PIWIL4: variants seen among roughly 807,000 people sequenced by gnomAD.
PIWIL4 encodes the protein piwi-like protein 4.
A neutral mutation model predicts 100.9 loss-of-function variants in PIWIL4; 50 were observed. The observed-to-expected ratio is 0.50, with a 90% confidence interval of 0.39 to 0.63. PIWIL4 has a LOEUF of 0.63. PIWIL4 is among the 20% of genes least tolerant of loss of function. The pLI is 0.00. For synonymous variants in PIWIL4, 342 were observed against 367.5 expected (o/e 0.93, Z 0.79); for missense variants, 887 against 1,043.3 (o/e 0.85, Z 2.06).
intron 19 of PIWIL4, 104 bp downstream of exon 19, chr11:94,620,248 G>A: frequency 8.2e-7 from 1 of 1,221,646 alleles, no homozygotes; most frequent in South Asian, 1.6e-5. Flanking sequence ...CACAATACCT[G>A]ATATTTCCTA....
In PIWIL4 at chr11:94,575,821, G is replaced by A. The variant is rs888704191; in HGVS notation, c.298+691G>A. On this transcript the variant is annotated intron_variant, in intron 3 of 19. Coordinates refer to ENST00000299001, the MANE Select transcript of PIWIL4 (RefSeq NM_152431.3). ...GCAGCACTAATGGGACCCAGCTGCCGTTTGAAAACTATCATATGTAGACGA... is the reference window on the plus strand; with the variant it reads ...GCAGCACTAATGGGACCCAGCTGCCATTTGAAAACTATCATATGTAGACGA... Among the ~76,000 whole-genome samples the A allele has an allele frequency of 6.6e-5, 10 of 152,020 alleles. No homozygotes were observed. In the South Asian group the frequency reaches 1.0e-3, roughly 16 times the overall value.
chr11:94,567,595 C>A lies in PIWIL4; in HGVS notation c.77C>A (p.Ala26Asp), dbSNP rs550779043. The A allele has an allele frequency of 1.1e-4, 179 of 1,604,626 alleles. 3 individuals carry two copies. In the South Asian group the frequency reaches 1.9e-3, roughly 17 times the overall value. Reference protein sequence around the residue: ...PSATEVGRIQASPLPRSVDLS... With the variant: ...PSATEVGRIQDSPLPRSVDLS... The stretch of plus-strand genomic sequence containing the variant: ...GCCACAGAAGTGGGGCGCATCCAAG[C>A]CTCGCCATTGGTGTGTAGAATGCTT... The change falls in exon 1 of 20, where the codon GCC (alanine) becomes GAC (aspartate). Residue 26 changes from alanine (A) to aspartate (D), a missense_variant. Around this residue, in one of 2 missense-constraint regions of PIWIL4, gnomAD observed 146 missense variants for 113.4 expected, o/e 1.29. Coordinates refer to ENST00000299001, the MANE Select transcript of PIWIL4 (RefSeq NM_152431.3).
At chr11:94,572,450 T>G (rs964520912) in intron 2 of PIWIL4, among the ~76,000 whole-genome samples, 3 of 152,254 alleles carry the variant, frequency 2.0e-5, no homozygotes, top group Non-Finnish European at 4.4e-5. Context: ...TAATCCATCT[T>G]GAATTAATTT....
At chr11:94,589,464 C>T (rs1005826565) in intron 8 of PIWIL4, among the ~76,000 whole-genome samples, 1 of 152,276 alleles carries the variant, frequency 6.6e-6, no homozygotes, top group South Asian at 2.1e-4. Context: ...CATATCTGAT[C>T]ACACTGCTCG....
At chr11:94,586,654 T>A (rs906975813) in intron 6 of PIWIL4, among the ~76,000 whole-genome samples, 1 of 151,882 alleles carries the variant, frequency 6.6e-6, no homozygotes, top group African/African-American at 2.4e-5. Context: ...TTCCCCCCCC[T>A]CTTCAGGGAA....
At chr11:94,587,727 T>A (rs893318331) in intron 7 of PIWIL4, among the ~76,000 whole-genome samples, 2 of 152,262 alleles carry the variant, frequency 1.3e-5, no homozygotes, top group African/African-American at 2.4e-5. Context: ...GTGGCCATCT[T>A]ATTTCATTTT....
intron 11 of PIWIL4, among the ~76,000 whole-genome samples, chr11:94,599,728 G>A (rs1192237511): frequency 6.6e-6 from 1 of 152,216 alleles, no homozygotes; most frequent in Non-Finnish European, 1.5e-5. Context: ...GGTCACAAGT[G>A]CCCTGGCTGC....
At chr11:94,618,219 G>A in intron 17 of PIWIL4, 112 bp downstream of exon 17, 1 of 1,134,514 alleles carries the variant, frequency 8.8e-7, no homozygotes. Context: ...ATTAAGTTTT[G>A]CTGTGTTTCT....
intron 8 of PIWIL4, among the ~76,000 whole-genome samples, chr11:94,591,819 A>G (rs1207135905): frequency 2.0e-5 from 3 of 152,212 alleles, no homozygotes; most frequent in African/African-American, 4.8e-5. Flanking sequence ...AAAGTGGAAG[A>G]CATCCTGATA....
At position 94,597,919 on chromosome 11, in the gene PIWIL4, A is replaced by G. The variant is rs1380872773; in HGVS notation, c.1380+4A>G. The G allele has an allele frequency of 6.9e-6, 11 of 1,590,026 alleles. No homozygotes were observed. Among genetic ancestry groups the G allele is most frequent in the Non-Finnish European group, 9.5e-6 (11 of 1,158,428 alleles). Reference sequence around the variant, plus strand: ...AATATTAATGCAAGACCACATAGTAAGTGCTGTGATTTTATTTTCATTTAA... The same window carrying G: ...AATATTAATGCAAGACCACATAGTAGGTGCTGTGATTTTATTTTCATTTAA... On this transcript the variant is annotated splice_donor_region_variant and intron_variant, in intron 11 of 19. Transcript: ENST00000299001.
chr11:94,575,886 T>G (rs377078431), intron 3 of PIWIL4, among the ~76,000 whole-genome samples: 14 of 152,214 alleles, frequency 9.2e-5, no homozygotes, highest in African/African-American at 3.1e-4. Context: ...CTAGGTTGAC[T>G]ACTCTTTATT....
rs75744158 is a variant in PIWIL4, at chr11:94,605,901, C to T, written c.1639-1538C>T. On this transcript the variant is annotated intron_variant, in intron 13 of 19. Coordinates refer to ENST00000299001, the MANE Select transcript of PIWIL4 (RefSeq NM_152431.3). ...CTGTGTCTTTTTCATGTGTCTCCAT[C>T]TTTCTTGGAACACTTTCTTACTTTC... Among the ~76,000 whole-genome samples the T allele has an allele frequency of 6.9e-3, 1,046 of 152,310 alleles. 12 individuals carry two copies. The highest frequency in any genetic ancestry group is 0.023 in the African/African-American group (973 of 41,566).
intron 15 of PIWIL4, among the ~76,000 whole-genome samples, chr11:94,614,821 T>C (rs928783509): frequency 6.6e-6 from 1 of 152,144 alleles, no homozygotes; most frequent in African/African-American, 2.4e-5. Flanking sequence ...ATCCTTAAAA[T>C]TGCATGCACT....
chr11:94,580,007 A>G (rs1223505480), intron 4 of PIWIL4, among the ~76,000 whole-genome samples: 2 of 152,220 alleles, frequency 1.3e-5, no homozygotes, highest in African/African-American at 2.4e-5. Context: ...CGTATACGCT[A>G]CAAATGCTAA....
At chr11:94,575,315 G>T (rs1351361506) in intron 3 of PIWIL4, among the ~76,000 whole-genome samples, 185 bp downstream of exon 3, 1 of 152,158 alleles carries the variant, frequency 6.6e-6, no homozygotes, top group Admixed American at 6.5e-5. Context: ...TTTATTAGTA[G>T]AAATAATATC....
intron 2 of PIWIL4, among the ~76,000 whole-genome samples, chr11:94,572,219 T>A (rs1378436749): frequency 1.3e-5 from 2 of 152,212 alleles, no homozygotes; most frequent in Admixed American, 1.3e-4. Flanking sequence ...TTGCAAAAAT[T>A]TTCTCCCATT....
chr11:94,610,277 T>G (rs1948773472), intron 15 of PIWIL4, among the ~76,000 whole-genome samples: 1 of 152,122 alleles, frequency 6.6e-6, no homozygotes, highest in Non-Finnish European at 1.5e-5. Flanking sequence ...CATCCATCAG[T>G]TGTCACAGGT....
intron 5 of PIWIL4, among the ~76,000 whole-genome samples, chr11:94,584,417 G>T (rs1188800333): frequency 2.0e-5 from 3 of 152,122 alleles, no homozygotes; most frequent in Non-Finnish European, 4.4e-5. Context: ...CAGATGTCTT[G>T]TCCAGCACCT....
chr11:94,593,546 A>G lies in PIWIL4; in HGVS notation c.1055A>G (p.Asn352Ser). The stretch of plus-strand genomic sequence containing the variant: ...TATGATATTACTGTATCGGACCTGA[A>G]TCAGCCCATGCTTGTTAGTCTGTTA... Reference protein sequence around the residue: ...QQYDITVSDLNQPMLVSLLKK... With the variant: ...QQYDITVSDLSQPMLVSLLKK... The change falls in exon 9 of 20, where the codon AAT (asparagine) becomes AGT (serine). Residue 352 changes from asparagine to serine, a missense_variant. Physicochemically the swap from Asn to Ser is conservative, Grantham distance 46. This residue lies in a region of PIWIL4 where 741 missense variants were observed against 930.0 expected (regional missense o/e 0.80). Transcript: ENST00000299001. The G allele has an allele frequency of 6.2e-7, 1 of 1,613,874 alleles. No individual in the cohort carries two copies. Among genetic ancestry groups the G allele is most frequent in the South Asian group, 1.1e-5 (1 of 91,070 alleles).
Sources: allele counts gnomAD v4.1 joint callset (sites outside exome capture counted in the v4.1 genomes callset), GRCh38; gene constraint gnomAD v4.1.1; regional missense constraint gnomAD v4.1.1; transcripts MANE v1.5; gene names NCBI Gene and HGNC (gene_info 2026-07-23, HGNC 2026-07-21).